Variants in FRMD4A observed in about 807,000 individuals in gnomAD.
FRMD4A encodes the protein FERM domain containing 4A.
FRMD4A carries 29 observed loss-of-function variants against 129.1 expected under a neutral mutation model. The observed-to-expected ratio is 0.22, with a 90% CI of 0.17 to 0.31. The LOEUF (loss-of-function observed/expected upper bound fraction) is 0.31. FRMD4A is among the 10% of genes least tolerant of loss of function. FRMD4A has a pLI of 1.00. For missense variants in FRMD4A, 1,272 were observed against 1,375.8 expected (o/e 0.92, Z 1.19); for synonymous variants, 634 against 571.6 (o/e 1.11, Z -1.56).
intron 2 of FRMD4A, among the ~76,000 whole-genome samples, chr10:13,964,602 A>G (rs11258755): frequency 0.063 from 9,508 of 151,814 alleles, 984 homozygotes; most frequent in African/African-American, 0.22. Context: ...CTAGCAAGAT[A>G]TTCATGCATT....
At chr10:13,811,122 T>C (rs939970418) in intron 3 of FRMD4A, among the ~76,000 whole-genome samples, 1 of 151,792 alleles carries the variant, frequency 6.6e-6, no homozygotes, top group Non-Finnish European at 1.5e-5. Flanking sequence ...CCTTCTGTTT[T>C]GTTTCCTAGA....
chr10:14,039,836 G>C (rs1055702038), intron 2 of FRMD4A, among the ~76,000 whole-genome samples: 6 of 152,146 alleles, frequency 3.9e-5, no homozygotes, highest in Non-Finnish European at 7.3e-5. Context: ...CATGTCGTCA[G>C]GACCTCGTGA....
chr10:13,822,876 C>G (rs2093649756), intron 3 of FRMD4A, among the ~76,000 whole-genome samples: 1 of 152,104 alleles, frequency 6.6e-6, no homozygotes, highest in Non-Finnish European at 1.5e-5. Context: ...ATAGCTCCTT[C>G]TCTCTCCCCT....
chr10:14,162,968 C>A (rs1004709341), intron 2 of FRMD4A, among the ~76,000 whole-genome samples: 2 of 152,290 alleles, frequency 1.3e-5, no homozygotes, highest in African/African-American at 4.8e-5. Context: ...ATTCGAATCT[C>A]TTTCACATTA....
chr10:13,920,628 C>T (rs1328280664), intron 2 of FRMD4A, among the ~76,000 whole-genome samples: 5 of 152,160 alleles, frequency 3.3e-5, no homozygotes, highest in Admixed American at 2.0e-4. Flanking sequence ...CCACTTGTGT[C>T]GAAAGGGTAT....
chr10:13,802,148 T>C (rs2093269889), intron 4 of FRMD4A, among the ~76,000 whole-genome samples: 1 of 152,144 alleles, frequency 6.6e-6, no homozygotes, highest in Non-Finnish European at 1.5e-5. Context: ...CAGTAATAAA[T>C]ATGCAATTGC....
rs1303337016 is a variant in FRMD4A at position 13,804,712 on chromosome 10, T to C, written c.206+6102A>G. Among the ~76,000 whole-genome samples, 4 of 55,130 alleles carry C rather than the reference T, an allele frequency of 7.3e-5. No individual in the cohort carries two copies. The East Asian group carries it at 1.4e-3, about 20-fold the overall frequency. 36.2% of individuals were successfully genotyped at this position (55,130 alleles called of 152,430 possible). On this transcript the variant is annotated intron_variant, in intron 4 of 24. Transcript: ENST00000357447. ...GGTGGCTGCCACCACACCCAGCTAA[T>C]TCTTTTTTTTTTTTTTTTTGTATTT... is the stretch of plus-strand genomic sequence containing the variant.
At chr10:14,145,695 G>C (rs372964120) in intron 2 of FRMD4A, among the ~76,000 whole-genome samples, 62 of 152,294 alleles carry the variant, frequency 4.1e-4, no homozygotes, top group African/African-American at 1.4e-3. Flanking sequence ...AACATGTCCT[G>C]TGTCACACAA....
intron 14 of FRMD4A, among the ~76,000 whole-genome samples, chr10:13,698,255 G>C (rs182607639): frequency 1.3e-5 from 2 of 152,274 alleles, no homozygotes; most frequent in Admixed American, 6.5e-5. Flanking sequence ...TGTCTCTCTA[G>C]GGTTGATAAA....
intron 12 of FRMD4A, among the ~76,000 whole-genome samples, chr10:13,731,284 A>T (rs959805756): frequency 6.6e-6 from 1 of 152,174 alleles, no homozygotes; most frequent in Admixed American, 6.5e-5. Flanking sequence ...GGAGGGGGAA[A>T]CATCATTGGG....
At chr10:13,777,791 ATTTTTTTTTT>A (rs34059772) in intron 6 of FRMD4A, among the ~76,000 whole-genome samples, 2 of 85,964 alleles carry the variant, frequency 2.3e-5, no homozygotes, top group Admixed American at 1.7e-4. Flanking sequence ...CTTTGGGTCA[ATTTTTTTTTT>A]TTTTTTTTTT....
chr10:14,068,206 G>A (rs1222665446), intron 2 of FRMD4A, among the ~76,000 whole-genome samples: 1 of 152,200 alleles, frequency 6.6e-6, no homozygotes, highest in Non-Finnish European at 1.5e-5. Flanking sequence ...GAGCCAGGCT[G>A]GGGGCGCAGG....
At chr10:14,300,319 A>C (rs993687096) in intron 2 of FRMD4A, among the ~76,000 whole-genome samples, 1 of 152,158 alleles carries the variant, frequency 6.6e-6, no homozygotes, top group Non-Finnish European at 1.5e-5. Context: ...TGATCTGAGC[A>C]CTGACTTTGC....
chr10:14,126,219 G>T (rs1226081078), intron 2 of FRMD4A, among the ~76,000 whole-genome samples: 4 of 138,372 alleles, frequency 2.9e-5, no homozygotes, highest in African/African-American at 1.1e-4. Flanking sequence ...TGCCCAGGCT[G>T]GAGTGCAGTG....
intron 2 of FRMD4A, among the ~76,000 whole-genome samples, chr10:14,081,045 G>C (rs735439): frequency 2.5e-4 from 38 of 151,836 alleles, no homozygotes; most frequent in African/African-American, 8.9e-4. Flanking sequence ...AGATTACTCA[G>C]GTTGTAATAA....
intron 8 of FRMD4A, among the ~76,000 whole-genome samples, chr10:13,758,849 A>G (rs2091959313): frequency 6.6e-6 from 1 of 152,200 alleles, no homozygotes; most frequent in Admixed American, 6.5e-5. Flanking sequence ...AATAAATCAT[A>G]AATAAATTTA....
At chr10:13,674,835 G>GATCAAATGACATCAAAAAT in intron 16 of FRMD4A, 76 bp downstream of exon 16, 1 of 1,460,378 alleles carries the variant, frequency 6.8e-7, no homozygotes, top group African/African-American at 1.4e-5. Context: ...ACATCAAAAA[G>GATCAAATGACATCAAAAAT]ATCAAATGAC....
At chr10:14,248,203 A>AATGG (rs3034169) in intron 2 of FRMD4A, among the ~76,000 whole-genome samples, 1 of 151,862 alleles carries the variant, frequency 6.6e-6, no homozygotes, top group Non-Finnish European at 1.5e-5. Context: ...TTAGAAAACT[A>AATGG]ATCTGCCCAA....
chr10:13,799,299 A>G (rs536373345), intron 4 of FRMD4A, among the ~76,000 whole-genome samples: 151 of 152,314 alleles, frequency 9.9e-4, no homozygotes, highest in African/African-American at 3.3e-3. Flanking sequence ...CTGGGACTAC[A>G]GGCGCAGGCC....
Sources: gnomAD v4.1 joint callset for allele counts (sites outside exome capture counted in the v4.1 genomes callset) on GRCh38, gnomAD v4.1.1 for gene constraint, MANE v1.5 for transcripts, NCBI Gene and HGNC (gene_info 2026-07-23, HGNC 2026-07-21) for gene names.